EBF1: variants seen among roughly 807,000 people sequenced by gnomAD.
EBF1 encodes the protein EBF transcription factor 1, also known as transcription factor COE1.
In EBF1, 10 loss-of-function variants were observed where a neutral mutation model predicts 68.4. The ratio of observed to expected loss-of-function variants is 0.15; its 90% CI spans 0.09 to 0.25. EBF1 has a LOEUF of 0.25. Among genes scored for constraint, EBF1 ranks in the 10% least tolerant of loss-of-function variants. EBF1 has a pLI of 1.00. For missense variants in EBF1, 509 were observed against 794.4 expected (o/e 0.64, Z 4.32); for synonymous variants, 298 against 299.8 (o/e 0.99, Z 0.06).
intron 15 of EBF1, among the ~76,000 whole-genome samples, chr5:158,705,633 T>G (rs1396037880): frequency 6.6e-6 from 1 of 152,244 alleles, no homozygotes; most frequent in African/African-American, 2.4e-5. Flanking sequence ...CATCATGACT[T>G]AAACAGGCAC....
chr5:158,867,998 T>C (rs1435808721), intron 6 of EBF1, among the ~76,000 whole-genome samples: 2 of 152,196 alleles, frequency 1.3e-5, no homozygotes, highest in Admixed American at 6.5e-5. Flanking sequence ...AATTTTTTTT[T>C]TCTCTAAAGA....
chr5:158,736,262 C>T (rs763997337), intron 10 of EBF1, among the ~76,000 whole-genome samples: 1 of 152,108 alleles, frequency 6.6e-6, no homozygotes, highest in African/African-American at 2.4e-5. Context: ...CTCCTCCGTC[C>T]CCGTTAACTT....
chr5:158,776,969 AAAG>A (rs1385844791), intron 10 of EBF1, among the ~76,000 whole-genome samples: 1 of 152,198 alleles, frequency 6.6e-6, no homozygotes, highest in Non-Finnish European at 1.5e-5. Context: ...GCATACTTGG[AAAG>A]AAGGCACCAA....
chr5:158,970,578 C>T (rs1215776807), intron 6 of EBF1, among the ~76,000 whole-genome samples: 1 of 152,172 alleles, frequency 6.6e-6, no homozygotes, highest in African/African-American at 2.4e-5. Flanking sequence ...TTATAGAAAG[C>T]CTTTGTACTC....
intron 9 of EBF1, among the ~76,000 whole-genome samples, chr5:158,781,984 G>A (rs959480535): frequency 2.2e-4 from 33 of 152,138 alleles, no homozygotes; most frequent in African/African-American, 8.0e-4. Flanking sequence ...AGGCCTGATG[G>A]CCAGTTTCCC....
intron 6 of EBF1, among the ~76,000 whole-genome samples, chr5:158,969,912 GAAA>G (rs1755210845): frequency 1.1e-5 from 1 of 92,316 alleles, no homozygotes; most frequent in Non-Finnish European, 2.2e-5. Flanking sequence ...AAGAAAGAAA[GAAA>G]GAAAAAAAAA....
intron 6 of EBF1, among the ~76,000 whole-genome samples, chr5:158,985,285 C>A (rs997704251): frequency 3.9e-5 from 6 of 152,162 alleles, no homozygotes; most frequent in African/African-American, 1.4e-4. Context: ...GCTTTGGGAC[C>A]ATGTGAAAGC....
chr5:158,707,907 A>G, intron 15 of EBF1, 72 bp downstream of exon 15: 1 of 1,490,340 alleles, frequency 6.7e-7, no homozygotes, highest in Non-Finnish European at 9.1e-7. Context: ...ATGGTGATGC[A>G]TCTGCTTCAG....
chr5:158,715,916 T>C (rs1760594357), intron 11 of EBF1, among the ~76,000 whole-genome samples: 1 of 152,232 alleles, frequency 6.6e-6, no homozygotes, highest in Non-Finnish European at 1.5e-5. Context: ...CCTATGTTCA[T>C]TTATTTCTCC....
intron 6 of EBF1, among the ~76,000 whole-genome samples, chr5:158,997,870 T>C (rs1761735705): frequency 6.6e-6 from 1 of 152,178 alleles, no homozygotes; most frequent in Non-Finnish European, 1.5e-5. Context: ...CACATCATTT[T>C]TGCATTCAAC....
chr5:158,712,103 A>G, intron 14 of EBF1, 51 bp downstream of exon 14: 3 of 1,599,900 alleles, frequency 1.9e-6, no homozygotes, highest in Non-Finnish European at 2.6e-6. Flanking sequence ...GCATGATGCC[A>G]AGTTCTTCTA....
intron 6 of EBF1, among the ~76,000 whole-genome samples, chr5:158,977,234 G>A (rs1225941302): frequency 6.6e-6 from 1 of 152,046 alleles, no homozygotes; most frequent in Admixed American, 6.6e-5. Flanking sequence ...AAACAGACAA[G>A]CAAGCAAAAC....
chr5:158,910,932 G>A (rs969075363), intron 6 of EBF1, among the ~76,000 whole-genome samples: 4 of 152,184 alleles, frequency 2.6e-5, no homozygotes, highest in African/African-American at 4.8e-5. Context: ...AGCACCTGCT[G>A]ATTCAGTGTT....
intron 6 of EBF1, among the ~76,000 whole-genome samples, chr5:158,953,426 C>T (rs1008548425): frequency 2.6e-5 from 4 of 152,120 alleles, no homozygotes; most frequent in Non-Finnish European, 5.9e-5. Flanking sequence ...GGACAGAAAC[C>T]GGAGCTGTAA....
At chr5:158,890,066 T>TC (rs1055727207) in intron 6 of EBF1, among the ~76,000 whole-genome samples, 1 of 152,068 alleles carries the variant, frequency 6.6e-6, no homozygotes, top group Admixed American at 6.6e-5. Context: ...CTGGATCCAA[T>TC]CCCCCACAGA....
chr5:158,868,840 T>A (rs1275605337), intron 6 of EBF1, among the ~76,000 whole-genome samples: 1 of 152,186 alleles, frequency 6.6e-6, no homozygotes, highest in Non-Finnish European at 1.5e-5. Flanking sequence ...AAGCAAAACT[T>A]GAAATGATTT....
chr5:158,849,130 C>A (rs2127991784), intron 6 of EBF1, among the ~76,000 whole-genome samples: 1 of 152,304 alleles, frequency 6.6e-6, no homozygotes, highest in African/African-American at 2.4e-5. Flanking sequence ...CCCAGGAAAA[C>A]TTTTGACTCT....
intron 6 of EBF1, among the ~76,000 whole-genome samples, chr5:158,929,648 T>C (rs1810415108): frequency 6.6e-6 from 1 of 152,226 alleles, no homozygotes; most frequent in Admixed American, 6.5e-5. Flanking sequence ...TAACAGTTAT[T>C]ATGGCATTTC....
At chr5:159,019,154 T>G (rs1413755684) in intron 6 of EBF1, 1 of 152,196 alleles carries the variant, frequency 6.6e-6, no homozygotes, top group African/African-American at 2.4e-5. Flanking sequence ...TTTTTAAATG[T>G]TTATTAAAGT....
Sources: allele counts gnomAD v4.1 joint callset (sites outside exome capture counted in the v4.1 genomes callset), GRCh38; gene constraint gnomAD v4.1.1; transcripts MANE v1.5; gene names NCBI Gene and HGNC (gene_info 2026-07-23, HGNC 2026-07-21).